The following CSRNP3 variants were observed in gnomAD, a reference collection of about 807,000 sequenced individuals.
CSRNP3 encodes cysteine and serine rich nuclear protein 3, also known as cysteine/serine-rich nuclear protein 3.
CSRNP3 carries 12 observed loss-of-function variants against 48.0 expected under a neutral mutation model. The ratio of observed to expected loss-of-function variants is 0.25; its 90% CI spans 0.16 to 0.41. The LOEUF is 0.41. Ranked by LOEUF, CSRNP3 falls within the 10% of genes least tolerant of loss-of-function variation. The pLI is 1.00. For missense variants in CSRNP3, 580 were observed against 724.4 expected (o/e 0.80, Z 2.29); for synonymous variants, 263 against 269.7 (o/e 0.98, Z 0.24).
At chr2:165,574,411 G>C in intron 3 of CSRNP3, 1 of 1,549,968 alleles carries the variant, frequency 6.5e-7, no homozygotes. Flanking sequence ...GTGTGCCGTA[G>C]TCGTTATATA....
At chr2:165,661,397 G>C (rs1441233840) in intron 5 of CSRNP3, among the ~76,000 whole-genome samples, 2 of 152,288 alleles carry the variant, frequency 1.3e-5, no homozygotes, top group Non-Finnish European at 2.9e-5. Context: ...GCCTACCGGA[G>C]AGGAAGATCA....
At chr2:165,647,820 G>A (rs1686838629) in intron 4 of CSRNP3, among the ~76,000 whole-genome samples, 1 of 152,158 alleles carries the variant, frequency 6.6e-6, no homozygotes, top group Non-Finnish European at 1.5e-5. Context: ...GTAGGCTGAT[G>A]TAAGGTATTC....
rs1487793656 is a variant in CSRNP3, at chr2:165,687,788, C to T, written c.*8035C>T. ...GGAGAAATGGTGATTTTTCTGGTTA[C>T]ATCACTTGATTCAAGCACTCCCTGG... On this transcript the variant is annotated 3_prime_UTR_variant, in exon 7 of 7. Transcript: ENST00000651982. 2.6e-5 allele frequency: 4 copies of T among 152,068 alleles called. No individual in the cohort carries two copies. The highest frequency in any genetic ancestry group is 4.4e-5 in the Non-Finnish European group (3 of 67,994). 9.4% of individuals were successfully genotyped at this position (152,068 alleles called of 1,614,324 possible). A position where few individuals can be genotyped will look rare whatever the true frequency, so the allele number is the denominator to read the frequency against.
At position 165,678,934 on chromosome 2, in the gene CSRNP3, C is replaced by T. The variant is rs1422985908; in HGVS notation, c.939C>T (p.Ile313=). Residue 313 remains isoleucine, a synonymous_variant, in exon 7 of 7, where the codon ATC becomes ATT. Coordinates refer to ENST00000651982, the MANE Select transcript of CSRNP3 (RefSeq NM_001172173.2). ...TCGCTCACTCCGTAGAATATTCAATCGCAGACAGTTTTGAGATTGAAACTG... is the reference window on the plus strand; with the variant it reads ...TCGCTCACTCCGTAGAATATTCAATTGCAGACAGTTTTGAGATTGAAACTG... The part of the protein sequence containing the change: ...GPVAHSVEYS[I]ADSFEIETEP... The T allele has an allele frequency of 2.5e-6, 4 of 1,613,862 alleles. No homozygotes were observed. The highest frequency in any genetic ancestry group is 2.7e-5 in the African/African-American group (2 of 74,880).
chr2:165,525,287 A>G (rs1684717018), intron 3 of CSRNP3, among the ~76,000 whole-genome samples: 1 of 151,884 alleles, frequency 6.6e-6, no homozygotes, highest in Non-Finnish European at 1.5e-5. Flanking sequence ...GAGTTTTGAG[A>G]GTTCTTTATA....
At chr2:165,668,734 G>C (rs1687278449) in intron 5 of CSRNP3, among the ~76,000 whole-genome samples, 1 of 152,066 alleles carries the variant, frequency 6.6e-6, no homozygotes, top group Admixed American at 6.6e-5. Context: ...TATTTCTAGG[G>C]AAGCTTATTC....
chr2:165,665,474 T>C (rs1280777789), intron 5 of CSRNP3, among the ~76,000 whole-genome samples: 1 of 152,076 alleles, frequency 6.6e-6, no homozygotes, highest in Non-Finnish European at 1.5e-5. Flanking sequence ...AATAAGAAAT[T>C]CTCTGGCCGG....
intron 4 of CSRNP3, among the ~76,000 whole-genome samples, chr2:165,637,826 G>T (rs1158326033): frequency 1.3e-5 from 2 of 152,158 alleles, no homozygotes; most frequent in African/African-American, 4.8e-5. Flanking sequence ...AAGTTGGAAA[G>T]TTCAAAACAG....
intron 3 of CSRNP3, among the ~76,000 whole-genome samples, chr2:165,546,978 G>T (rs1685038754): frequency 6.6e-6 from 1 of 152,106 alleles, no homozygotes; most frequent in Non-Finnish European, 1.5e-5. Context: ...TTTTCCAATT[G>T]TATTACATAT....
At chr2:165,477,483 A>AATATATATATATATATATAT (rs200408228) in intron 1 of CSRNP3, among the ~76,000 whole-genome samples, 28 of 129,646 alleles carry the variant, frequency 2.2e-4, no homozygotes, top group African/African-American at 5.4e-4. Flanking sequence ...ATATATATGA[A>AATATATATATATATATATAT]ATATATATAT....
At chr2:165,561,529 A>C (rs1434935443) in intron 3 of CSRNP3, among the ~76,000 whole-genome samples, 1 of 152,048 alleles carries the variant, frequency 6.6e-6, no homozygotes, top group East Asian at 1.9e-4. Flanking sequence ...TAACATTGGT[A>C]ATTTATTCAC....
At chr2:165,569,012 C>T (rs1422546665) in intron 3 of CSRNP3, among the ~76,000 whole-genome samples, 1 of 151,994 alleles carries the variant, frequency 6.6e-6, no homozygotes, top group East Asian at 1.9e-4. Context: ...TTTCACATAA[C>T]ATGCTCAGCA....
At chr2:165,637,326 A>G (rs1378472573) in intron 4 of CSRNP3, among the ~76,000 whole-genome samples, 2 of 152,238 alleles carry the variant, frequency 1.3e-5, no homozygotes, top group African/African-American at 2.4e-5. Context: ...GGGTCTTTAT[A>G]TAGAGATTTG....
At chr2:165,528,189 T>A (rs1467060787) in intron 3 of CSRNP3, among the ~76,000 whole-genome samples, 1 of 152,188 alleles carries the variant, frequency 6.6e-6, no homozygotes, top group African/African-American at 2.4e-5. Context: ...AGCTATTGAG[T>A]TTTTTGAGTT....
chr2:165,634,646 G>A (rs1686597991), intron 4 of CSRNP3, among the ~76,000 whole-genome samples: 2 of 152,192 alleles, frequency 1.3e-5, no homozygotes, highest in African/African-American at 2.4e-5. Flanking sequence ...CAGAGAAAGG[G>A]ATATGAATAG....
rs1472192043 is a variant in CSRNP3 at position 165,582,987 on chromosome 2, C to T, written c.-23-12056C>T. On this transcript the variant is annotated intron_variant, in intron 3 of 6. Transcript: ENST00000651982. ...AATATTTATTAGCCAGGAGTGCTCCCAGGGTTCTTGGCTTAAGCAGACACT... is the reference window on the plus strand; with the variant it reads ...AATATTTATTAGCCAGGAGTGCTCCTAGGGTTCTTGGCTTAAGCAGACACT... Among the ~76,000 whole-genome samples, 3 of 152,184 alleles carry T rather than the reference C, an allele frequency of 2.0e-5. No individual in the cohort carries two copies. In the East Asian group the frequency reaches 5.8e-4, roughly 29 times the overall value.
rs199902919 is a variant in CSRNP3 at position 165,657,822 on chromosome 2, C to T, written c.210C>T (p.Val70=). 158 of 1,613,906 alleles carry T rather than the reference C, an allele frequency of 9.8e-5. No homozygotes were observed. The highest frequency in any genetic ancestry group is 4.0e-5 in the African/African-American group (3 of 74,866). ...CAAAGAATGTACATTTTAGTTGTGT[C>T]ACCGTGTACTACTTCACCAGGAGGC... is the stretch of plus-strand genomic sequence containing the variant. ...LRTKNVHFSC[V]TVYYFTRRQG... Residue 70 remains valine, a synonymous_variant, in exon 5 of 7, where the codon GTC becomes GTT. Transcript: ENST00000651982.
At chr2:165,525,490 T>C (rs558183961) in intron 3 of CSRNP3, among the ~76,000 whole-genome samples, 1 of 145,702 alleles carries the variant, frequency 6.9e-6, no homozygotes, top group South Asian at 2.2e-4. Context: ...TTCTTCTTCT[T>C]TTTTTTTTTT....
intron 4 of CSRNP3, among the ~76,000 whole-genome samples, chr2:165,608,965 G>A (rs955097750): frequency 6.7e-6 from 1 of 148,498 alleles, no homozygotes; most frequent in African/African-American, 2.5e-5. Flanking sequence ...AAATTAGCTG[G>A]GCATGGTGGC....
Sources: gnomAD v4.1 joint callset for allele counts (sites outside exome capture counted in the v4.1 genomes callset) on GRCh38, gnomAD v4.1.1 for gene constraint, MANE v1.5 for transcripts, NCBI Gene and HGNC (gene_info 2026-07-23, HGNC 2026-07-21) for gene names.